Variants in NAPA observed in about 807,000 individuals in gnomAD.
The protein encoded by NAPA is NSF attachment protein alpha, also known as alpha-soluble NSF attachment protein.
NAPA carries 18 observed loss-of-function variants against 48.0 expected under a neutral mutation model. That is an observed-to-expected ratio of 0.38 (90% CI 0.26 to 0.56). The LOEUF (loss-of-function observed/expected upper bound fraction) is 0.56. Among genes scored for constraint, NAPA ranks in the 20% least tolerant of loss-of-function variants. The pLI, the probability that NAPA is intolerant of heterozygous loss-of-function variation, is 0.77. For synonymous variants in NAPA, 152 were observed against 149.9 expected (o/e 1.01, Z -0.10); for missense variants, 315 against 385.0 (o/e 0.82, Z 1.52).
At position 47,514,735 on chromosome 19, in the gene NAPA, C is replaced by G; in HGVS notation, c.98+108G>C. The G allele has an allele frequency of 8.5e-6, 9 of 1,057,672 alleles. No individual in the cohort carries two copies. In the South Asian group the frequency reaches 1.3e-4, roughly 15 times the overall value. The allele number at this position is 1,057,672 out of a possible 1,614,324, so 65.5% of individuals were successfully genotyped here. A position where few individuals can be genotyped will look rare whatever the true frequency, so the allele number is the denominator to read the frequency against. ...CCATGTCACCTTATTGCAGGTTCCT[C>G]TCCGTCCCCTCGGCCCGAGCTCTGC... is the stretch of plus-strand genomic sequence containing the variant. On this transcript the variant is annotated intron_variant, in intron 1 of 10. Transcript: ENST00000263354.
intron 1 of NAPA, among the ~76,000 whole-genome samples, chr19:47,508,852 G>A (rs12976971): frequency 3.3e-5 from 5 of 152,168 alleles, no homozygotes; most frequent in East Asian, 3.9e-4. Context: ...TTGGGAGGCC[G>A]AAGCAGGAGG....
Position 47,490,449 on chromosome 19 carries a change from G to A in NAPA, c.735+339C>T, listed in dbSNP as rs532125004. 3.8e-3 allele frequency among the ~76,000 whole-genome samples: 359 copies of A among 93,332 alleles called. 5 individuals are homozygous for A. Among genetic ancestry groups the A allele is most frequent in the African/African-American group, 0.015 (333 of 22,940 alleles). 61.2% of individuals were successfully genotyped at this position (93,332 alleles called of 152,430 possible). The stretch of plus-strand genomic sequence containing the variant: ...GTGTGTGGTGTGGTGTGATGTGTGT[G>A]GTGTGGTGTGTGTAGTGTATGTTTG... On this transcript the variant is annotated intron_variant, in intron 9 of 10. Transcript: ENST00000263354.
chr19:47,493,282 C>T lies in NAPA; in HGVS notation c.421-108G>A, dbSNP rs1334922384. ...TGCCTGCCTGGGACACAGCCAGACC[C>T]CATTCTCCAAGCTCTGCCGGCGCCC... On this transcript the variant is annotated intron_variant, in intron 5 of 10. Transcript: ENST00000263354. This position sits in a 1 kb window ranked among gnomAD's most constrained non-coding sequence, Gnocchi z 6.4. 17 of 1,484,740 alleles carry T rather than the reference C, an allele frequency of 1.1e-5. No homozygotes were observed. Among genetic ancestry groups the T allele is most frequent in the Middle Eastern group, 1.8e-4 (1 of 5,680 alleles). The allele number at this position is 1,484,740 out of a possible 1,614,324, so 92.0% of individuals were successfully genotyped here.
At position 47,506,564 on chromosome 19, in the gene NAPA, C is replaced by T. The variant is rs1295038858; in HGVS notation, c.99-3062G>A. Among the ~76,000 whole-genome samples the T allele has an allele frequency of 1.3e-5, 2 of 152,216 alleles. No individual in the cohort carries two copies. The highest frequency in any genetic ancestry group is 4.8e-5 in the African/African-American group (2 of 41,452). On this transcript the variant is annotated intron_variant, in intron 1 of 10. Coordinates refer to ENST00000263354, the MANE Select transcript of NAPA (RefSeq NM_003827.4). This position sits in a 1 kb window ranked among gnomAD's most constrained non-coding sequence, Gnocchi z 4.0. Reference sequence around the variant, plus strand: ...CATGCACTCTCTGAAAAAGCACAGACCCTGGATGGGCAGAAATGACCCACG... The same window carrying T: ...CATGCACTCTCTGAAAAAGCACAGATCCTGGATGGGCAGAAATGACCCACG...
rs150661589 is a variant in NAPA, at chr19:47,495,962, G to A, written c.296-366C>T. 1,639 of 240,336 alleles carry A rather than the reference G, an allele frequency of 6.8e-3. 15 individuals carry two copies. Among genetic ancestry groups the A allele is most frequent in the Non-Finnish European group, 1.0e-2 (1,190 of 119,580 alleles). The allele number at this position is 240,336 out of a possible 1,614,324, so 14.9% of individuals were successfully genotyped here. ...TCCCACGGTGTTTTAAGACAGACCT[G>A]CCAAGGCCCTGCTCTTGAAGGACTG... On this transcript the variant is annotated intron_variant, in intron 3 of 10. Transcript: ENST00000263354.
intron 1 of NAPA, among the ~76,000 whole-genome samples, chr19:47,512,201 G>A (rs1395926812): frequency 1.3e-5 from 2 of 152,050 alleles, no homozygotes; most frequent in Non-Finnish European, 2.9e-5. Flanking sequence ...TGATCCCTCT[G>A]GATCTCAGTT....
chr19:47,489,693 C>T lies in NAPA; in HGVS notation c.786+18G>A. On this transcript the variant is annotated intron_variant, in intron 10 of 10. Transcript: ENST00000263354. ...CCATCCCCGTGAAGGGGCCTGGCCC[C>T]CCATGCTGGCCACTCACCGACTCGG... The T allele has an allele frequency of 1.2e-6, 2 of 1,613,800 alleles. No individual in the cohort carries two copies. Among genetic ancestry groups the T allele is most frequent in the African/African-American group, 1.3e-5 (1 of 75,056 alleles).
intron 3 of NAPA, 23 bp downstream of exon 3, chr19:47,500,610 G>A (rs371760941): frequency 1.2e-4 from 184 of 1,575,286 alleles, no homozygotes; most frequent in Non-Finnish European, 1.5e-4. Context: ...CAGCCAGCCC[G>A]TGTGGCCCGC....
chr19:47,496,630 G>T, intron 3 of NAPA: 1 of 268,118 alleles, frequency 3.7e-6, no homozygotes, highest in South Asian at 3.5e-5. Context: ...CACCGTGGGG[G>T]TCTCCATGGT....
chr19:47,508,722 C>T (rs1023623709), intron 1 of NAPA, among the ~76,000 whole-genome samples: 3 of 151,728 alleles, frequency 2.0e-5, no homozygotes, highest in African/African-American at 4.8e-5. Flanking sequence ...ACACTGGTCT[C>T]GAACTCCTGG....
chr19:47,509,331 A>C (rs970299403), intron 1 of NAPA, among the ~76,000 whole-genome samples: 2 of 138,300 alleles, frequency 1.4e-5, no homozygotes, highest in Admixed American at 7.9e-5. Context: ...AAATAAAATA[A>C]AATAAAATAA....
At position 47,501,995 on chromosome 19, in the gene NAPA, C is replaced by A. The variant is rs181824867; in HGVS notation, c.179-1246G>T. On this transcript the variant is annotated intron_variant, in intron 2 of 10. Coordinates refer to ENST00000263354, the MANE Select transcript of NAPA (RefSeq NM_003827.4). The stretch of plus-strand genomic sequence containing the variant: ...CGGTGGCTCATGCCTGTAATCCCAG[C>A]ACTTTGGGAGGCCGAGGTGGGCGGA... Among the ~76,000 whole-genome samples, 450 of 152,104 alleles carry A rather than the reference C, an allele frequency of 3.0e-3. 3 individuals are homozygous for A. The highest frequency in any genetic ancestry group is 0.01 in the African/African-American group (432 of 41,470).
At chr19:47,496,861 T>C in intron 3 of NAPA, 1 of 453,006 alleles carries the variant, frequency 2.2e-6, no homozygotes, top group Non-Finnish European at 4.4e-6. Flanking sequence ...CTCTGGGGAG[T>C]GGGGTCTGTA....
At chr19:47,503,350 G>A (rs191175732) in intron 2 of NAPA, 73 bp downstream of exon 2, 7 of 1,395,146 alleles carry the variant, frequency 5.0e-6, no homozygotes, top group East Asian at 2.3e-5. Context: ...CCAACCTCTC[G>A]GGCAGGCCTG....
At chr19:47,484,836 T>C (rs778157182), downstream of NAPA, among the ~76,000 whole-genome samples, 1 of 151,682 alleles carries the variant, frequency 6.6e-6, no homozygotes, top group Non-Finnish European at 1.5e-5. Context: ...TCCCAGCAGC[T>C]GGGATTACAG....
chr19:47,500,341 A>G (rs1968542052), intron 3 of NAPA, among the ~76,000 whole-genome samples: 1 of 152,154 alleles, frequency 6.6e-6, no homozygotes, highest in Admixed American at 6.5e-5. Context: ...TGGGTCTGCA[A>G]TGGAACTCCC....
rs78622352 is a variant in NAPA at position 47,510,839 on chromosome 19, T to A, written c.98+4004A>T. Among the ~76,000 whole-genome samples the A allele has an allele frequency of 9.8e-5, 15 of 152,352 alleles. No individual in the cohort carries two copies. The East Asian group carries it at 2.9e-3, about 29-fold the overall frequency. On this transcript the variant is annotated intron_variant, in intron 1 of 10. Coordinates refer to ENST00000263354, the MANE Select transcript of NAPA (RefSeq NM_003827.4). ...TGTAGTTAGGAAGTCTCCGTCTTTTTGCTTCCAGAGCAGAAGTTTGAGCTG... is the reference window on the plus strand; with the variant it reads ...TGTAGTTAGGAAGTCTCCGTCTTTTAGCTTCCAGAGCAGAAGTTTGAGCTG...
rs973762476 is a variant in NAPA at position 47,495,669 on chromosome 19, G to A, written c.296-73C>T. On this transcript the variant is annotated intron_variant, in intron 3 of 10. Transcript: ENST00000263354. Reference sequence around the variant, plus strand: ...TCAGCAGAAGCTGAGGAGAGGAGGCGGACGCAGGCGCACCTGGCTGCCAGC... The same window carrying A: ...TCAGCAGAAGCTGAGGAGAGGAGGCAGACGCAGGCGCACCTGGCTGCCAGC... 85 of 1,448,432 alleles carry A rather than the reference G, an allele frequency of 5.9e-5. No homozygotes were observed. In the Middle Eastern group the frequency reaches 5.9e-4, roughly 10 times the overall value. The allele number at this position is 1,448,432 out of a possible 1,614,324, so 89.7% of individuals were successfully genotyped here. A position where few individuals can be genotyped will look rare whatever the true frequency, so the allele number is the denominator to read the frequency against.
At chr19:47,514,754 G>A in intron 1 of NAPA, 89 bp downstream of exon 1, 2 of 1,286,864 alleles carry the variant, frequency 1.6e-6, no homozygotes, top group South Asian at 2.5e-5. Flanking sequence ...CTCGGCCCGA[G>A]CTCTGCGTGC....
Sources: allele counts gnomAD v4.1 joint callset (sites outside exome capture counted in the v4.1 genomes callset), GRCh38; gene constraint gnomAD v4.1.1; non-coding constraint Gnocchi (gnomAD v3.1); transcripts MANE v1.5; gene names NCBI Gene and HGNC (gene_info 2026-07-23, HGNC 2026-07-21).